The following GPR107 variants were observed in gnomAD, a reference collection of about 807,000 sequenced individuals.
GPR107 encodes the protein G protein-coupled receptor 107, also known as protein GPR107.
GPR107 carries 31 observed loss-of-function variants against 75.5 expected under a neutral mutation model. The ratio of observed to expected loss-of-function variants is 0.41; its 90% CI spans 0.31 to 0.55. The LOEUF (loss-of-function observed/expected upper bound fraction) is 0.55, where lower values mean the gene tolerates loss of function less well. GPR107 is among the 20% of genes least tolerant of loss of function. GPR107 has a pLI of 0.26. For synonymous variants in GPR107, 267 were observed against 251.3 expected (o/e 1.06, Z -0.59); for missense variants, 572 against 665.7 (o/e 0.86, Z 1.55).
At chr9:130,110,276 C>G (rs541133762) in intron 14 of GPR107, 60 of 752,232 alleles carry the variant, frequency 8.0e-5, no homozygotes, top group Admixed American at 2.0e-4. Context: ...CAGCGTTGTC[C>G]CCCAGCATCT....
Position 130,075,769 on chromosome 9 carries a change from A to G in GPR107, c.255+20A>G. 1 of 1,086,580 alleles carries G rather than the reference A, an allele frequency of 9.2e-7. No homozygotes were observed. Among genetic ancestry groups the G allele is most frequent in the Non-Finnish European group, 1.4e-6 (1 of 718,684 alleles). The allele number at this position is 1,086,580 out of a possible 1,614,324, so 67.3% of individuals were successfully genotyped here. ...GTGACTGTAAGTACCTTTTAATGAG[A>G]TCCAGGGGTTTACTCTTTTTTTTTT... On this transcript the variant is annotated intron_variant, in intron 2 of 17. Transcript: ENST00000347136.
rs1772548014 is a variant in GPR107 at position 130,135,906 on chromosome 9, C to A, written c.*785C>A. The A allele has an allele frequency of 6.6e-6, 1 of 152,290 alleles. No individual in the cohort carries two copies. The highest frequency in any genetic ancestry group is 2.1e-4 in the South Asian group (1 of 4,834). The allele number at this position is 152,290 out of a possible 1,614,324, so 9.4% of individuals were successfully genotyped here. Reference sequence around the variant, plus strand: ...TATTTTTAAGTTCAAAAAGCATTATCCTGTGGCGTTGCCTGGACATCCACT... The same window carrying A: ...TATTTTTAAGTTCAAAAAGCATTATACTGTGGCGTTGCCTGGACATCCACT... On this transcript the variant is annotated 3_prime_UTR_variant, in exon 18 of 18. Transcript: ENST00000347136.
At chr9:130,092,404 T>A in intron 9 of GPR107, 23 bp downstream of exon 9, 2 of 1,598,190 alleles carry the variant, frequency 1.3e-6, no homozygotes, top group South Asian at 2.2e-5. Flanking sequence ...TCCCTTCAAC[T>A]TAAGAGTGTG....
chr9:130,128,647 A>G lies in GPR107; in HGVS notation c.1448A>G (p.Asp483Gly). Reference sequence around the variant, plus strand: ...TGGTTTTTAAACTTGCAGCTCCTGGATGAAACGGCCACACTGGTCTTCTTT... The same window carrying G: ...TGGTTTTTAAACTTGCAGCTCCTGGGTGAAACGGCCACACTGGTCTTCTTT... ...FQWKWLYQLL[D>G]ETATLVFFVL... Residue 483 changes from aspartate (D) to glycine (G), a missense_variant, in exon 17 of 18, where the codon GAT becomes GGT. Coordinates refer to ENST00000347136, the MANE Select transcript of GPR107 (RefSeq NM_020960.5). 1 of 1,612,118 alleles carries G rather than the reference A, an allele frequency of 6.2e-7. No homozygotes were observed. Among genetic ancestry groups the G allele is most frequent in the Non-Finnish European group, 8.5e-7 (1 of 1,178,196 alleles).
intron 14 of GPR107, among the ~76,000 whole-genome samples, chr9:130,115,196 T>C (rs1194897788): frequency 6.6e-6 from 1 of 152,230 alleles, no homozygotes; most frequent in Non-Finnish European, 1.5e-5. Flanking sequence ...TTCCCATGTC[T>C]ACATAAAGTT....
chr9:130,124,098 G>A (rs148942125), intron 14 of GPR107, among the ~76,000 whole-genome samples: 6 of 152,132 alleles, frequency 3.9e-5, no homozygotes, highest in African/African-American at 1.4e-4. Flanking sequence ...CTCCCTCCCC[G>A]ACAACTAATC....
chr9:130,121,553 A>G (rs1831547391), intron 14 of GPR107, among the ~76,000 whole-genome samples: 1 of 152,170 alleles, frequency 6.6e-6, no homozygotes, highest in African/African-American at 2.4e-5. Flanking sequence ...GGCTCTCCAC[A>G]GTCCAGCCGC....
In GPR107 at chr9:130,055,867, C is replaced by T. The variant is rs2132525107; in HGVS notation, c.141+1794C>T. Among the ~76,000 whole-genome samples, 3 of 151,632 alleles carry T rather than the reference C, an allele frequency of 2.0e-5. 1 individual carries two copies. In the East Asian group the frequency reaches 5.9e-4, roughly 30 times the overall value. On this transcript the variant is annotated intron_variant, in intron 1 of 17. Transcript: ENST00000347136. Reference sequence around the variant, plus strand: ...GCTGAGACAGGATAATTGCTTGAACCCGGGAGGCTGAGATTGCAGTGAGCA... The same window carrying T: ...GCTGAGACAGGATAATTGCTTGAACTCGGGAGGCTGAGATTGCAGTGAGCA...
intron 14 of GPR107, among the ~76,000 whole-genome samples, chr9:130,110,673 C>T (rs1420718106): frequency 6.6e-6 from 1 of 152,256 alleles, no homozygotes; most frequent in East Asian, 1.9e-4. Flanking sequence ...GTGTTCCCAG[C>T]TGGAGCCTCC....
chr9:130,124,580 G>GA (rs1393866580), intron 14 of GPR107, among the ~76,000 whole-genome samples: 1 of 152,166 alleles, frequency 6.6e-6, no homozygotes, highest in African/African-American at 2.4e-5. Flanking sequence ...TCTCTGGGGG[G>GA]AAAAAATTCC....
chr9:130,102,497 G>A (rs1267835173), intron 12 of GPR107, among the ~76,000 whole-genome samples: 1 of 152,150 alleles, frequency 6.6e-6, no homozygotes, highest in African/African-American at 2.4e-5. Context: ...ATGTCAGTCT[G>A]AGAAGATAAG....
rs71387311 is a variant in GPR107 at position 130,085,754 on chromosome 9, A to ATTT, written c.565-651_565-649dup. The stretch of plus-strand genomic sequence containing the variant: ...TTACTGTATAAATGGCAATATTTTG[A>ATTT]TTTTTTTTTTTTTTTTTGCCGGGGG... On this transcript the variant is annotated intron_variant, in intron 6 of 17. Coordinates refer to ENST00000347136, the MANE Select transcript of GPR107 (RefSeq NM_020960.5). 3.7e-4 allele frequency among the ~76,000 whole-genome samples: 29 copies of ATTT among 78,672 alleles called. 4 individuals carry two copies. The highest frequency in any genetic ancestry group is 2.0e-3 in the East Asian group (4 of 2,028). The allele number at this position is 78,672 out of a possible 152,430, so 51.6% of individuals were successfully genotyped here. A position where few individuals can be genotyped will look rare whatever the true frequency, so the allele number is the denominator to read the frequency against.
chr9:130,070,618 G>A (rs1830181050), intron 1 of GPR107, among the ~76,000 whole-genome samples: 1 of 152,144 alleles, frequency 6.6e-6, no homozygotes. Context: ...AGAAAAAGTT[G>A]AAAGGATATA....
At chr9:130,076,541 G>A (rs1830353186) in intron 3 of GPR107, 79 bp downstream of exon 3, 1 of 903,836 alleles carries the variant, frequency 1.1e-6, no homozygotes. Context: ...ACTTCTTGCA[G>A]TTCCATTTTC....
chr9:130,076,893 G>GTT (rs910446712), intron 3 of GPR107, among the ~76,000 whole-genome samples: 1 of 145,732 alleles, frequency 6.9e-6, no homozygotes, highest in Non-Finnish European at 1.5e-5. Context: ...TTTGTTTTTT[G>GTT]TTTTTTTTTT....
At chr9:130,127,797 G>A (rs1011751561) in intron 16 of GPR107, among the ~76,000 whole-genome samples, 2 of 152,160 alleles carry the variant, frequency 1.3e-5, no homozygotes, top group Non-Finnish European at 2.9e-5. Context: ...CCACCTCCCG[G>A]GTTCAAGCGA....
chr9:130,126,642 G>A (rs527526171), intron 15 of GPR107, among the ~76,000 whole-genome samples: 10 of 152,080 alleles, frequency 6.6e-5, no homozygotes, highest in Non-Finnish European at 1.3e-4. Flanking sequence ...GAGCCATCGC[G>A]CCCGGCCCTG....
At chr9:130,087,184 T>C (rs1316191693) in intron 7 of GPR107, among the ~76,000 whole-genome samples, 1 of 151,930 alleles carries the variant, frequency 6.6e-6, no homozygotes, top group African/African-American at 2.4e-5. Flanking sequence ...ACTACAGGCA[T>C]AGACCACCAT....
At chr9:130,083,965 T>G (rs1335524766) in intron 6 of GPR107, among the ~76,000 whole-genome samples, 1 of 151,472 alleles carries the variant, frequency 6.6e-6, no homozygotes, top group Non-Finnish European at 1.5e-5. Flanking sequence ...TTACTATTAC[T>G]TTTTCATCTT....
Sources: gnomAD v4.1 joint callset for allele counts (sites outside exome capture counted in the v4.1 genomes callset) on GRCh38, gnomAD v4.1.1 for gene constraint, MANE v1.5 for transcripts, NCBI Gene and HGNC (gene_info 2026-07-23, HGNC 2026-07-21) for gene names.